Variants in KMT2E observed in about 807,000 individuals in gnomAD.
The protein encoded by KMT2E is histone reader KMT2E.
Under a neutral mutation model 184.6 loss-of-function variants are expected in KMT2E, and 30 were observed. The ratio of observed to expected loss-of-function variants is 0.16; its 90% CI spans 0.12 to 0.22. KMT2E has a LOEUF of 0.22. KMT2E is among the 10% of genes least tolerant of loss of function. KMT2E has a pLI of 1.00. For synonymous variants in KMT2E, 815 were observed against 776.5 expected, an observed-to-expected ratio of 1.05 and a Z score of -0.82; for missense variants, 2,023 against 2,237.4, an observed-to-expected ratio of 0.90 and a Z score of 1.93.
At chr7:105,021,987 GC>G (rs1279180558) in intron 1 of KMT2E, among the ~76,000 whole-genome samples, 1 of 152,066 alleles carries the variant, frequency 6.6e-6, no homozygotes, top group Admixed American at 6.5e-5. Context: ...GTGACATTTT[GC>G]TGTTTGCTTT....
intron 17 of KMT2E, chr7:105,104,498 G>C (rs1355280492): frequency 6.6e-6 from 1 of 151,960 alleles, no homozygotes; most frequent in Non-Finnish European, 1.5e-5. Flanking sequence ...AACCAGCCTG[G>C]GCAGCATAAC....
chr7:105,057,474 C>A (rs943436594), intron 3 of KMT2E, among the ~76,000 whole-genome samples: 1 of 152,020 alleles, frequency 6.6e-6, no homozygotes, highest in Non-Finnish European at 1.5e-5. Flanking sequence ...TACAGAGTCT[C>A]ACTCTGTCAA....
rs779892341 is a variant in KMT2E at position 105,112,187 on chromosome 7, C to G, written c.4431C>G (p.Pro1477=). Reference sequence around the variant, plus strand: ...CTCCTTCACAGCAGTTAGGATCTCCCTACAGGCCTCATCATTCACAGTCAC... The same window carrying G: ...CTCCTTCACAGCAGTTAGGATCTCCGTACAGGCCTCATCATTCACAGTCAC... ...PKPPSQQLGS[P]YRPHHSQSPQ... is the part of the protein sequence containing the mutation. The change falls in exon 27 of 27, where the codon CCC becomes CCG. Residue 1477 remains proline, a synonymous_variant. Transcript: ENST00000311117. 6.2e-6 allele frequency: 10 copies of G among 1,613,986 alleles called. No homozygotes were observed. Among genetic ancestry groups the G allele is most frequent in the Admixed American group, 1.7e-5 (1 of 59,974 alleles).
At chr7:105,111,561 A>G (rs551743751) in intron 26 of KMT2E, among the ~76,000 whole-genome samples, 6 of 152,240 alleles carry the variant, frequency 3.9e-5, no homozygotes, top group Non-Finnish European at 8.8e-5. Flanking sequence ...GGCAGAGTAA[A>G]GTGAAAGAAA....
rs755030634 is a variant in KMT2E at position 105,063,422 on chromosome 7, A to C, written c.258A>C (p.Lys86Asn). The change falls in exon 5 of 27, where the codon AAA becomes AAC. Residue 86 changes from lysine (K) to asparagine (N), a missense_variant. Physicochemically the swap from Lys to Asn is moderately conservative, Grantham distance 94. Coordinates refer to ENST00000311117, the MANE Select transcript of KMT2E (RefSeq NM_182931.3). ...ASPPPSVLIS[K>N]NEVGIFTTPN... ...CTCCTCCATCAGTCCTTATTAGCAA[A>C]AATGAAGTAGGCATATTTACCACTC... The C allele has an allele frequency of 6.2e-7, 1 of 1,613,918 alleles. No homozygotes were observed. Among genetic ancestry groups the C allele is most frequent in the Non-Finnish European group, 8.5e-7 (1 of 1,179,902 alleles).
intron 22 of KMT2E, 105 bp from the exon 23 acceptor site, chr7:105,108,837 C>T (rs1584807523): frequency 7.8e-6 from 7 of 903,084 alleles, no homozygotes; most frequent in Non-Finnish European, 1.1e-5. Flanking sequence ...AAATAATTTT[C>T]CTAATGTAAA....
At chr7:105,049,575 A>G (rs1374010160) in intron 3 of KMT2E, among the ~76,000 whole-genome samples, 1 of 151,944 alleles carries the variant, frequency 6.6e-6, no homozygotes, top group Non-Finnish European at 1.5e-5. Flanking sequence ...ATTTATATTC[A>G]AATTCTGTTT....
intron 3 of KMT2E, among the ~76,000 whole-genome samples, chr7:105,058,902 A>C (rs189111147): frequency 1.2e-3 from 182 of 152,306 alleles, no homozygotes; most frequent in African/African-American, 4.1e-3. Flanking sequence ...GAACATATAC[A>C]TACTTCCTGC....
At chr7:105,053,084 TATAA>T (rs1562893788) in intron 3 of KMT2E, among the ~76,000 whole-genome samples, 3 of 152,204 alleles carry the variant, frequency 2.0e-5, no homozygotes, top group African/African-American at 7.2e-5. Context: ...GTCCCTCATA[TATAA>T]ATAGTCTTTA....
At chr7:105,083,979 A>G (rs1797862919) in intron 13 of KMT2E, among the ~76,000 whole-genome samples, 1 of 151,838 alleles carries the variant, frequency 6.6e-6, no homozygotes, top group South Asian at 2.1e-4. Flanking sequence ...TTCTAGAAAC[A>G]TATTAGGATC....
At chr7:105,022,951 A>G (rs1381176158) in intron 1 of KMT2E, among the ~76,000 whole-genome samples, 2 of 149,132 alleles carry the variant, frequency 1.3e-5, no homozygotes, top group African/African-American at 4.8e-5. Context: ...GATAAGATAG[A>G]CAGTAGTATA....
intron 12 of KMT2E, 141 bp from the exon 13 acceptor site, chr7:105,081,547 T>G (rs1352323353): frequency 1.6e-6 from 1 of 607,408 alleles, no homozygotes; most frequent in Non-Finnish European, 2.9e-6. Flanking sequence ...CAATAGATAG[T>G]TATAAGCCTT....
chr7:105,104,737 A>C (rs1433200513), intron 17 of KMT2E: 1 of 152,172 alleles, frequency 6.6e-6, no homozygotes, highest in African/African-American at 2.4e-5. Flanking sequence ...TCTGATGGGC[A>C]GCTATTGTAG....
At chr7:105,097,630 C>T (rs1441786697) in intron 15 of KMT2E, among the ~76,000 whole-genome samples, 1 of 152,112 alleles carries the variant, frequency 6.6e-6, no homozygotes, top group Non-Finnish European at 1.5e-5. Context: ...TGTGATGATC[C>T]ACCCACCTCT....
At chr7:105,075,051 A>G (rs10953465) in intron 8 of KMT2E, among the ~76,000 whole-genome samples, 42,620 of 152,000 alleles carry the variant, frequency 0.28, 8,893 homozygotes, top group East Asian at 0.64. Context: ...ATTAGTCACT[A>G]TAATGCAGAA....
chr7:105,032,974 A>G (rs1795488729), intron 1 of KMT2E, among the ~76,000 whole-genome samples: 1 of 152,224 alleles, frequency 6.6e-6, no homozygotes, highest in African/African-American at 2.4e-5. Context: ...ATTGATTTTC[A>G]AACAGTTCTT....
Position 105,101,457 on chromosome 7 carries a change from G to T in KMT2E, c.1755G>T (p.Leu585Phe). ...TREERKMEAILQAFARLEKRE... is the reference protein window; with the variant it reads ...TREERKMEAIFQAFARLEKRE... ...AAGAAAGAAAAATGGAAGCAATTTTGCAAGCTTTTGCCAGACTTGAAAAGA... is the reference window on the plus strand; with the variant it reads ...AAGAAAGAAAAATGGAAGCAATTTTTCAAGCTTTTGCCAGACTTGAAAAGA... The change falls in exon 16 of 27, where the codon TTG (leucine) becomes TTT (phenylalanine). Residue 585 changes from leucine (L) to phenylalanine (F), a missense_variant. By Grantham distance (22) the Leu-to-Phe change is conservative. Coordinates refer to ENST00000311117, the MANE Select transcript of KMT2E (RefSeq NM_182931.3). 6.4e-7 allele frequency: 1 copy of T among 1,563,052 alleles called. No homozygotes were observed. Among genetic ancestry groups the T allele is most frequent in the South Asian group, 1.2e-5 (1 of 82,248 alleles).
intron 3 of KMT2E, among the ~76,000 whole-genome samples, chr7:105,059,978 G>GTTTTTTTTTTTTTTTTTTTTTTTTTTTTT (rs67291226): frequency 3.9e-5 from 2 of 51,796 alleles, no homozygotes; most frequent in African/African-American, 5.8e-5. Context: ...TCTTGTTGTT[G>GTTTTTTTTTTTTTTTTTTTTTTTTTTTTT]TTTTTTTTTT....
In KMT2E at chr7:105,073,573, C is replaced by A. The variant is rs763880830; in HGVS notation, c.498-46C>A. 4 of 1,181,122 alleles carry A rather than the reference C, an allele frequency of 3.4e-6. No homozygotes were observed. In the African/African-American group the frequency reaches 4.5e-5, roughly 13 times the overall value. The allele number at this position is 1,181,122 out of a possible 1,614,324, so 73.2% of individuals were successfully genotyped here. On this transcript the variant is annotated intron_variant, in intron 6 of 26. Transcript: ENST00000311117. ...AAAGTTTATCACATTTAAGACAGAT[C>A]TGCTTCATGTATTTGATAAATAATT...
Sources: allele counts gnomAD v4.1 joint callset (sites outside exome capture counted in the v4.1 genomes callset), GRCh38; gene constraint gnomAD v4.1.1; transcripts MANE v1.5; gene names NCBI Gene and HGNC (gene_info 2026-07-23, HGNC 2026-07-21).